Variants in TEX9 observed in about 807,000 individuals in gnomAD.
TEX9 encodes the protein testis expressed 9.
Under a neutral mutation model 59.6 loss-of-function variants are expected in TEX9, and 74 were observed. That is an observed-to-expected ratio of 1.24 (90% CI 1.03 to 1.51). The LOEUF (loss-of-function observed/expected upper bound fraction) is 1.51. Among genes scored for constraint, TEX9 ranks in the 40% most tolerant of loss-of-function variants. The pLI is 0.00. For missense variants in TEX9, 522 were observed against 447.8 expected (o/e 1.17, Z -1.49); for synonymous variants, 186 against 152.2 (o/e 1.22, Z -1.64).
intron 1 of TEX9, among the ~76,000 whole-genome samples, chr15:56,252,061 C>T (rs1190261289): frequency 6.6e-6 from 1 of 152,178 alleles, no homozygotes; most frequent in Non-Finnish European, 1.5e-5. Flanking sequence ...ACTCTTTTGT[C>T]AAGAATTGCA....
intron 1 of TEX9, among the ~76,000 whole-genome samples, chr15:56,263,215 G>T (rs1305029489): frequency 2.0e-5 from 3 of 152,098 alleles, no homozygotes; most frequent in East Asian, 1.9e-4. Context: ...TAGAGACAGG[G>T]TTTCTCTATG....
rs531678901 is a variant in TEX9, at chr15:56,257,148, A to C, written c.-107+12870A>C. Among the ~76,000 whole-genome samples, 4 of 152,288 alleles carry C rather than the reference A, an allele frequency of 2.6e-5. No individual in the cohort carries two copies. The South Asian group carries it at 8.3e-4, about 32-fold the overall frequency. On this transcript the variant is annotated intron_variant, in intron 1 of 5. Transcript: ENST00000560827. ...CTTTTTGTTGGTTACACAGTATTCCATGGTGTATATGTACTACATTTTCTT... is the reference window on the plus strand; with the variant it reads ...CTTTTTGTTGGTTACACAGTATTCCCTGGTGTATATGTACTACATTTTCTT...
downstream of TEX9, among the ~76,000 whole-genome samples, chr15:56,450,691 G>C (rs1267176125): frequency 6.6e-6 from 1 of 151,930 alleles, no homozygotes; most frequent in Non-Finnish European, 1.5e-5. Flanking sequence ...TTTGGTTATT[G>C]GAAATAATGC....
intron 1 of TEX9, among the ~76,000 whole-genome samples, chr15:56,357,785 C>G (rs188883304): frequency 3.3e-5 from 5 of 152,210 alleles, no homozygotes; most frequent in African/African-American, 9.6e-5. Flanking sequence ...CTGATGGTCT[C>G]TTTTTGCTTG....
At chr15:56,269,385 G>A (rs1037557388) in intron 1 of TEX9, among the ~76,000 whole-genome samples, 7 of 152,058 alleles carry the variant, frequency 4.6e-5, no homozygotes, top group Non-Finnish European at 8.8e-5. Context: ...GTTTGCTCTT[G>A]CTTCTCTAGT....
intron 4 of TEX9, 72 bp from the exon 5 acceptor site, chr15:56,388,400 A>G: frequency 8.5e-7 from 1 of 1,173,180 alleles, no homozygotes; most frequent in East Asian, 2.4e-5. Flanking sequence ...TTTCAAATAT[A>G]ATTGTTGAAT....
chr15:56,268,167 A>G (rs1353416012), intron 1 of TEX9, among the ~76,000 whole-genome samples: 2 of 152,222 alleles, frequency 1.3e-5, no homozygotes, highest in South Asian at 2.1e-4. Context: ...TTTTTGCACA[A>G]TGATTTTGTA....
At chr15:56,281,274 T>A (rs1248062792) in intron 1 of TEX9, among the ~76,000 whole-genome samples, 1 of 152,232 alleles carries the variant, frequency 6.6e-6, no homozygotes, top group Non-Finnish European at 1.5e-5. Context: ...GAGGTTAGTA[T>A]ATAGTTTAAG....
intron 4 of TEX9, 57 bp downstream of exon 4, chr15:56,384,088 T>C (rs2047858205): frequency 7.3e-6 from 10 of 1,360,940 alleles, no homozygotes; most frequent in South Asian, 1.3e-5. Context: ...TGGATCGTTA[T>C]GTAAGATCTT....
chr15:56,314,918 C>G lies in TEX9; in HGVS notation c.-106-58523C>G, dbSNP rs1596082546. On this transcript the variant is annotated intron_variant, in intron 1 of 5. Transcript: ENST00000560827. ...ACCATTATGTAATGGCCTTCTTTGT[C>G]TCTTTTGATCTTTGTTGGTTTAAAG... 1.1e-4 allele frequency among the ~76,000 whole-genome samples: 16 copies of G among 151,722 alleles called. No homozygotes were observed. In the South Asian group the frequency reaches 2.7e-3, roughly 26 times the overall value.
intron 1 of TEX9, among the ~76,000 whole-genome samples, chr15:56,265,733 ATTG>A (rs1357001022): frequency 9.9e-5 from 15 of 151,896 alleles, no homozygotes; most frequent in Non-Finnish European, 2.2e-4. Flanking sequence ...TTTTAAATGT[ATTG>A]TTGTTTGTTT....
chr15:56,389,325 C>T, exon 6 of TEX9: 8 of 1,610,264 alleles, frequency 5.0e-6, no homozygotes, highest in African/African-American at 1.3e-5. Flanking sequence ...TAGCCAAAGA[C>T]CAAAAACATT....
At chr15:56,255,165 T>C (rs1471653900) in intron 1 of TEX9, among the ~76,000 whole-genome samples, 1 of 152,158 alleles carries the variant, frequency 6.6e-6, no homozygotes, top group African/African-American at 2.4e-5. Flanking sequence ...ATAGACTCTG[T>C]TGCAACCACT....
intron 2 of TEX9, among the ~76,000 whole-genome samples, chr15:56,366,076 A>G (rs2141953328): frequency 6.6e-6 from 1 of 152,298 alleles, no homozygotes; most frequent in South Asian, 2.1e-4. Context: ...TTCTAAATTG[A>G]AAGGATGCTT....
intron 1 of TEX9, among the ~76,000 whole-genome samples, chr15:56,328,430 C>A (rs188719981): frequency 1.2e-4 from 18 of 152,104 alleles, no homozygotes; most frequent in Middle Eastern, 3.4e-3. Flanking sequence ...TTGTCTTGCA[C>A]CTTATGTACC....
chr15:56,403,011 A>G (rs1327521948), intron 9 of TEX9, among the ~76,000 whole-genome samples: 1 of 152,226 alleles, frequency 6.6e-6, no homozygotes, highest in African/African-American at 2.4e-5. Context: ...ATTTATGACA[A>G]ACCCACAGCC....
chr15:56,431,354 TGA>T, intron 12 of TEX9: 1 of 1,607,978 alleles, frequency 6.2e-7, no homozygotes, highest in African/African-American at 1.3e-5. Flanking sequence ...GATTACAACT[TGA>T]GATAAATCTC....
rs2047312052 is a variant in TEX9 at position 56,374,026 on chromosome 15, C to T, written c.183+522C>T. ...AAGTAATATATTTTGATAATGGTTA[C>T]AGATTTGTATTTTATAATTTATAAT... On this transcript the variant is annotated intron_variant, in intron 3 of 12. Transcript: ENST00000352903. 2.6e-5 allele frequency: 4 copies of T among 151,732 alleles called. 1 individual carries two copies. The South Asian group carries it at 8.3e-4, about 31-fold the overall frequency. 9.4% of individuals were successfully genotyped at this position (151,732 alleles called of 1,614,324 possible). A position where few individuals can be genotyped will look rare whatever the true frequency, so the allele number is the denominator to read the frequency against.
At chr15:56,309,624 G>A (rs1368845173) in intron 1 of TEX9, among the ~76,000 whole-genome samples, 2 of 142,122 alleles carry the variant, frequency 1.4e-5, no homozygotes, top group South Asian at 4.6e-4. Context: ...GAGAAAGATT[G>A]GTGTTAATTC....
Sources: allele counts gnomAD v4.1 joint callset (sites outside exome capture counted in the v4.1 genomes callset), GRCh38; gene constraint gnomAD v4.1.1; transcripts MANE v1.5; gene names NCBI Gene and HGNC (gene_info 2026-07-23, HGNC 2026-07-21).